The following TMEM130 variants were observed in gnomAD, a reference collection of about 807,000 sequenced individuals.
TMEM130 encodes transmembrane protein 130.
In TMEM130, 37 loss-of-function variants were observed where a neutral mutation model predicts 42.9. That is an observed-to-expected ratio of 0.86 (90% confidence interval 0.66 to 1.13). The LOEUF (loss-of-function observed/expected upper bound fraction) is 1.13. Among genes scored for constraint, TMEM130 ranks in the 50% most tolerant of loss-of-function variants. The pLI, the probability that TMEM130 is intolerant of heterozygous loss-of-function variation, is 0.00. For synonymous variants in TMEM130, 259 were observed against 237.7 expected (o/e 1.09, Z -0.82); for missense variants, 545 against 562.6 (o/e 0.97, Z 0.32).
chr7:98,860,638 T>C (rs561173598), intron 2 of TMEM130, among the ~76,000 whole-genome samples: 1 of 152,230 alleles, frequency 6.6e-6, no homozygotes, highest in Admixed American at 6.5e-5. Flanking sequence ...GCACAAAAGA[T>C]GCCCAAGGTC....
intron 3 of TMEM130, among the ~76,000 whole-genome samples, chr7:98,859,380 G>A (rs782131004): frequency 1.4e-4 from 22 of 152,136 alleles, no homozygotes; most frequent in African/African-American, 2.9e-4. Context: ...GGTACCCTTC[G>A]AGGTCAAATG....
intron 7 of TMEM130, 21 bp downstream of exon 7, chr7:98,848,562 C>T (rs781898865): frequency 2.0e-6 from 3 of 1,528,616 alleles, no homozygotes; most frequent in Admixed American, 1.7e-5. Flanking sequence ...TAGTCCAGCC[C>T]CCACCCCACT....
chr7:98,856,379 T>C (rs1158328366), intron 3 of TMEM130, among the ~76,000 whole-genome samples, 196 bp from the exon 4 acceptor site: 2 of 152,206 alleles, frequency 1.3e-5, no homozygotes, highest in East Asian at 1.9e-4. Context: ...ATTTTCCAGA[T>C]GAGCAAACCG....
At chr7:98,851,335 G>T in intron 6 of TMEM130, 86 bp downstream of exon 6, 1 of 1,381,844 alleles carries the variant, frequency 7.2e-7, no homozygotes, top group South Asian at 1.2e-5. Context: ...AAGGCTGGCT[G>T]GTAGGAGCGT....
intron 6 of TMEM130, among the ~76,000 whole-genome samples, chr7:98,850,267 A>ATTTTTTTTTTTTT (rs1161479294): frequency 2.8e-3 from 80 of 28,728 alleles, no homozygotes; most frequent in Non-Finnish European, 4.7e-3. Flanking sequence ...ATATATATAT[A>ATTTTTTTTTTTTT]TATATATTTT....
Position 98,869,781 on chromosome 7 carries a change from G to A in TMEM130, c.81C>T (p.Ala27=), listed in dbSNP as rs1554401098. Residue 27 remains alanine (A), a synonymous_variant, in exon 1 of 8, where the codon GCC becomes GCT. Coordinates refer to ENST00000339375, the MANE Select transcript of TMEM130 (RefSeq NM_152913.3). The surrounding 1 kb of genome is among the most constrained non-coding windows in gnomAD (Gnocchi z 4.7). ...CLLPWAPAGV[A]AGLYELNLTT... ...CCGGATTGCCCAGCGCCTTACCTGC[G>A]GCCACCCCTGCCGGGGCCCAGGGCA... is the stretch of plus-strand genomic sequence containing the variant. The A allele has an allele frequency of 7.1e-7, 1 of 1,412,590 alleles. No individual in the cohort carries two copies. Among genetic ancestry groups the A allele is most frequent in the Non-Finnish European group, 9.2e-7 (1 of 1,085,676 alleles). 87.5% of individuals were successfully genotyped at this position (1,412,590 alleles called of 1,614,324 possible). A position where few individuals can be genotyped will look rare whatever the true frequency, so the allele number is the denominator to read the frequency against.
chr7:98,855,624 T>A (rs2116088731), intron 4 of TMEM130, among the ~76,000 whole-genome samples: 1 of 152,218 alleles, frequency 6.6e-6, no homozygotes, highest in South Asian at 2.1e-4. Context: ...AACCAAGACA[T>A]CTTCTGCAGC....
At chr7:98,852,165 G>A (rs972499785) in intron 5 of TMEM130, among the ~76,000 whole-genome samples, 34 of 151,778 alleles carry the variant, frequency 2.2e-4, no homozygotes, top group African/African-American at 8.0e-4. Flanking sequence ...TTTAGAGATG[G>A]TGTCTCACTC....
intron 5 of TMEM130, among the ~76,000 whole-genome samples, 189 bp from the exon 6 acceptor site, chr7:98,851,812 AC>A (rs1554398323): frequency 1.3e-5 from 2 of 151,928 alleles, no homozygotes. Flanking sequence ...ATGGTCCCGG[AC>A]CCCCAAGAGA....
intron 6 of TMEM130, among the ~76,000 whole-genome samples, chr7:98,849,162 G>A (rs753078712): frequency 7.2e-5 from 11 of 152,180 alleles, no homozygotes; most frequent in Middle Eastern, 3.2e-3. Context: ...AGCTTCTCAC[G>A]CTCTGGCAAC....
intron 3 of TMEM130, among the ~76,000 whole-genome samples, chr7:98,859,572 C>T (rs1466411321): frequency 6.6e-6 from 1 of 151,922 alleles, no homozygotes; most frequent in African/African-American, 2.4e-5. Flanking sequence ...ACAGGGTGAG[C>T]AGGGAAAGGA....
At chr7:98,855,464 TCCTC>T (rs1489254711) in intron 4 of TMEM130, 140 bp from the exon 5 acceptor site, 1 of 669,082 alleles carries the variant, frequency 1.5e-6, no homozygotes, top group Non-Finnish European at 2.4e-6. Context: ...TGTGCGGGGT[TCCTC>T]TGGGTCCTGC....
chr7:98,863,654 CTCCTTCCTCCTTCCCTCCT>C (rs529762893), intron 1 of TMEM130, among the ~76,000 whole-genome samples: 105 of 141,512 alleles, frequency 7.4e-4, no homozygotes, highest in African/African-American at 2.7e-3. Context: ...TCTTCCTTCC[CTCCTTCCTCCTTCCCTCCT>C]TCCTTCCTCC....
At chr7:98,861,355 ATT>A (rs1236012792) in intron 2 of TMEM130, among the ~76,000 whole-genome samples, 1 of 151,940 alleles carries the variant, frequency 6.6e-6, no homozygotes, top group Non-Finnish European at 1.5e-5. Context: ...AAAAAGAAAA[ATT>A]AGCAGTTCCA....
intron 3 of TMEM130, among the ~76,000 whole-genome samples, chr7:98,858,563 G>A (rs1366311543): frequency 4.0e-5 from 6 of 151,464 alleles, no homozygotes; most frequent in Non-Finnish European, 8.8e-5. Flanking sequence ...GGCGGGGGGT[G>A]AGGAAAGCCA....
chr7:98,848,225 G>A lies in TMEM130; in HGVS notation c.1120-17C>T, dbSNP rs1554397671. 1 of 1,613,800 alleles carries A rather than the reference G, an allele frequency of 6.2e-7. No individual in the cohort carries two copies. The highest frequency in any genetic ancestry group is 8.5e-7 in the Non-Finnish European group (1 of 1,179,920). On this transcript the variant is annotated splice_polypyrimidine_tract_variant and intron_variant, in intron 7 of 7. Transcript: ENST00000339375. Reference sequence around the variant, plus strand: ...CTCCGGGTTCTTGTCAGACATGGGGGAAAAGTCAAAATCAGCCACCTATGA... The same window carrying A: ...CTCCGGGTTCTTGTCAGACATGGGGAAAAAGTCAAAATCAGCCACCTATGA...
chr7:98,851,720 G>T, intron 5 of TMEM130, 97 bp from the exon 6 acceptor site: 1 of 1,137,084 alleles, frequency 8.8e-7, no homozygotes, highest in Non-Finnish European at 1.2e-6. Context: ...GAACTTCAGT[G>T]TCCTTTCCAG....
At chr7:98,850,961 T>C (rs1019466510) in intron 6 of TMEM130, among the ~76,000 whole-genome samples, 2 of 152,058 alleles carry the variant, frequency 1.3e-5, no homozygotes, top group African/African-American at 4.8e-5. Flanking sequence ...AAGCTGGCAT[T>C]GGGGCAGGTG....
chr7:98,851,748 T>C, intron 5 of TMEM130, 125 bp from the exon 6 acceptor site: 1 of 829,464 alleles, frequency 1.2e-6, no homozygotes. Context: ...CATCAAGCCG[T>C]CCTGGACTCA....
Sources: allele counts gnomAD v4.1 joint callset (sites outside exome capture counted in the v4.1 genomes callset), GRCh38; gene constraint gnomAD v4.1.1; non-coding constraint Gnocchi (gnomAD v3.1); transcripts MANE v1.5; gene names NCBI Gene and HGNC (gene_info 2026-07-23, HGNC 2026-07-21).